The following XRRA1 variants were observed in gnomAD, a reference collection of about 807,000 sequenced individuals.
XRRA1 encodes X-ray radiation resistance associated 1.
XRRA1 carries 69 observed loss-of-function variants against 80.2 expected under a neutral mutation model. The ratio of observed to expected loss-of-function variants is 0.86; its 90% CI spans 0.71 to 1.05. The LOEUF is 1.05. XRRA1 is among the 50% of genes least tolerant of loss of function. The pLI, the probability that XRRA1 is intolerant of heterozygous loss-of-function variation, is 0.00. For synonymous variants in XRRA1, 348 were observed against 389.9 expected (o/e 0.89, Z 1.27); for missense variants, 967 against 976.4 (o/e 0.99, Z 0.13).
intron 2 of XRRA1, among the ~76,000 whole-genome samples, chr11:74,943,526 T>A (rs76996979): frequency 1.3e-4 from 5 of 39,462 alleles, no homozygotes; most frequent in Admixed American, 7.2e-4. Context: ...AGTAGGAGGG[T>A]GTGTGTGTGT....
intron 5 of XRRA1, 100 bp downstream of exon 5, chr11:74,933,701 T>C (rs1223799274): frequency 9.5e-7 from 1 of 1,051,908 alleles, no homozygotes; most frequent in East Asian, 2.6e-5. Flanking sequence ...AGATTTCCAG[T>C]CCCTAGGGAC....
intron 10 of XRRA1, among the ~76,000 whole-genome samples, chr11:74,905,060 A>G (rs560640070): frequency 6.6e-6 from 1 of 152,182 alleles, no homozygotes; most frequent in African/African-American, 2.4e-5. Context: ...AGTTGTTACT[A>G]TTATTATTTG....
intron 8 of XRRA1, among the ~76,000 whole-genome samples, chr11:74,909,694 A>G (rs2055419877): frequency 6.6e-6 from 1 of 152,078 alleles, no homozygotes; most frequent in South Asian, 2.1e-4. Flanking sequence ...TTGGAAGAAA[A>G]GCTCTTCAAA....
At chr11:74,926,617 C>T (rs894976503) in intron 7 of XRRA1, among the ~76,000 whole-genome samples, 1 of 152,160 alleles carries the variant, frequency 6.6e-6, no homozygotes, top group Non-Finnish European at 1.5e-5. Flanking sequence ...CCGTGACTCT[C>T]AGGTAGTGAC....
intron 8 of XRRA1, among the ~76,000 whole-genome samples, chr11:74,912,010 T>C (rs1001706505): frequency 6.6e-6 from 1 of 152,096 alleles, no homozygotes; most frequent in African/African-American, 2.4e-5. Flanking sequence ...CCTTATCCCA[T>C]AGCCAGGAGA....
chr11:74,921,070 C>A, intron 8 of XRRA1, 144 bp downstream of exon 8: 1 of 1,101,468 alleles, frequency 9.1e-7, no homozygotes, highest in Admixed American at 2.7e-5. Context: ...GTGTCTGAGG[C>A]CTTTCTGGGA....
In XRRA1 at chr11:74,894,452, T is replaced by C. The variant is rs1017327267; in HGVS notation, c.1003+11787A>G. ...ATAAGAACTGCCTGAGACTGAGTAA[T>C]TTATAAAGAAAATTGACTCACAGTT... On this transcript the variant is annotated intron_variant, in intron 10 of 18. Transcript: ENST00000684022. Among the ~76,000 whole-genome samples, 5 of 152,002 alleles carry C rather than the reference T, an allele frequency of 3.3e-5. No individual in the cohort carries two copies. The South Asian group carries it at 1.0e-3, about 31-fold the overall frequency.
intron 8 of XRRA1, chr11:74,913,580 A>T (rs2056348584): frequency 6.6e-6 from 1 of 152,208 alleles, no homozygotes; most frequent in African/African-American, 2.4e-5. Flanking sequence ...TTATCAATTA[A>T]TAAGAACTAC....
intron 6 of XRRA1, among the ~76,000 whole-genome samples, chr11:74,927,964 A>T (rs568558): frequency 0.38 from 58,043 of 152,078 alleles, 12,463 homozygotes; most frequent in Middle Eastern, 0.5. Context: ...TAACAAAAAT[A>T]GAGTCATACT....
chr11:74,889,925 G>GACTT (rs2050193687), intron 10 of XRRA1, among the ~76,000 whole-genome samples: 2 of 152,102 alleles, frequency 1.3e-5, no homozygotes, highest in African/African-American at 4.8e-5. Flanking sequence ...CCTACAAAGA[G>GACTT]ACTTAGACTC....
intron 8 of XRRA1, among the ~76,000 whole-genome samples, chr11:74,910,364 C>T (rs969132623): frequency 1.1e-4 from 16 of 152,140 alleles, no homozygotes; most frequent in Non-Finnish European, 1.8e-4. Flanking sequence ...TGCCTGAGAA[C>T]GCCGACTTGT....
chr11:74,930,385 A>G lies in XRRA1; in HGVS notation c.352-13T>C. ...CATTTTCCTTGGCCTGTAGGAAAGC[A>G]TTTCAGAAAAAAAAAAAAATCCACA... On this transcript the variant is annotated splice_polypyrimidine_tract_variant and intron_variant, in intron 5 of 18. Coordinates refer to ENST00000684022, the MANE Select transcript of XRRA1 (RefSeq NM_001378157.1). 1 of 1,529,546 alleles carries G rather than the reference A, an allele frequency of 6.5e-7. No homozygotes were observed. Among genetic ancestry groups the G allele is most frequent in the Non-Finnish European group, 8.8e-7 (1 of 1,139,622 alleles). The allele number at this position is 1,529,546 out of a possible 1,614,324, so 94.7% of individuals were successfully genotyped here. A position where few individuals can be genotyped will look rare whatever the true frequency, so the allele number is the denominator to read the frequency against.
chr11:74,940,446 C>T (rs1333800781), intron 3 of XRRA1, among the ~76,000 whole-genome samples: 1 of 152,244 alleles, frequency 6.6e-6, no homozygotes, highest in East Asian at 1.9e-4. Context: ...AGGGCTGGAA[C>T]ATTCAGGGCA....
In XRRA1 at chr11:74,858,684, T is replaced by C. The variant is rs116020716; in HGVS notation, c.1170+474A>G. ...ACTTGACTCACCCCTCTTCACCTGA[T>C]TAAACTCACTGATTCAGATCTCAGC... is the stretch of plus-strand genomic sequence containing the variant. On this transcript the variant is annotated intron_variant, in intron 12 of 18. Transcript: ENST00000684022. Among the ~76,000 whole-genome samples the C allele has an allele frequency of 9.0e-3, 1,378 of 152,300 alleles. 28 individuals are homozygous for C. Among genetic ancestry groups the C allele is most frequent in the African/African-American group, 0.031 (1,303 of 41,540 alleles).
intron 8 of XRRA1, among the ~76,000 whole-genome samples, chr11:74,914,209 C>T (rs1363269311): frequency 6.6e-6 from 1 of 152,246 alleles, no homozygotes; most frequent in Non-Finnish European, 1.5e-5. Context: ...TGGTCTCGAA[C>T]TCCTGACCTC....
chr11:74,915,521 T>A (rs1938354458), intron 8 of XRRA1, among the ~76,000 whole-genome samples: 2 of 152,218 alleles, frequency 1.3e-5, no homozygotes, highest in African/African-American at 4.8e-5. Context: ...AACCTGCCAA[T>A]GGCAGAGGCC....
At chr11:74,859,128 T>C (rs759043976) in intron 12 of XRRA1, 30 bp downstream of exon 12, 1 of 1,565,028 alleles carries the variant, frequency 6.4e-7, no homozygotes, top group Non-Finnish European at 8.6e-7. Context: ...TCTGTGCCCC[T>C]GAGTAAACAG....
At chr11:74,880,378 G>T (rs1356898093) in intron 10 of XRRA1, among the ~76,000 whole-genome samples, 1 of 151,812 alleles carries the variant, frequency 6.6e-6, no homozygotes, top group Non-Finnish European at 1.5e-5. Flanking sequence ...CTTGCTAGCG[G>T]TCTATCAATT....
chr11:74,909,836 C>T (rs1394969573), intron 8 of XRRA1: 1 of 152,196 alleles, frequency 6.6e-6, no homozygotes, highest in Non-Finnish European at 1.5e-5. Flanking sequence ...GAAAGTTTTT[C>T]AGAAGCTAAG....
Sources: gnomAD v4.1 joint callset for allele counts (sites outside exome capture counted in the v4.1 genomes callset) on GRCh38, gnomAD v4.1.1 for gene constraint, MANE v1.5 for transcripts, NCBI Gene and HGNC (gene_info 2026-07-23, HGNC 2026-07-21) for gene names.